TIAM1: variants seen among roughly 807,000 people sequenced by gnomAD.
TIAM1 encodes TIAM Rac1 associated GEF 1, also known as rho guanine nucleotide exchange factor TIAM1.
In TIAM1, 65 loss-of-function variants were observed where a neutral mutation model predicts 163.5. That is an observed-to-expected ratio of 0.40 (90% CI 0.33 to 0.49). The LOEUF (loss-of-function observed/expected upper bound fraction) is 0.49, where lower values mean the gene tolerates loss of function less well. Ranked by LOEUF, TIAM1 falls within the 20% of genes least tolerant of loss-of-function variation. The pLI, the probability that TIAM1 is intolerant of heterozygous loss-of-function variation, is 0.77. For synonymous variants in TIAM1, 833 were observed against 810.1 expected (o/e 1.03, Z -0.48); for missense variants, 1,789 against 2,044.7 (o/e 0.87, Z 2.41).
chr21:31,172,189 G>A (rs1338097583), intron 15 of TIAM1, among the ~76,000 whole-genome samples: 1 of 152,168 alleles, frequency 6.6e-6, no homozygotes, highest in Non-Finnish European at 1.5e-5. Context: ...ACACCAGCAT[G>A]GCAGGAAGAG....
chr21:31,348,483 C>T (rs866813842), upstream of TIAM1, among the ~76,000 whole-genome samples: 35 of 152,310 alleles, frequency 2.3e-4, no homozygotes, highest in Admixed American at 9.8e-4. Context: ...AATCCAAACA[C>T]GATTTCCCAG....
chr21:31,523,813 G>A (rs145329565), intron 1 of TIAM1, among the ~76,000 whole-genome samples: 2 of 151,982 alleles, frequency 1.3e-5, no homozygotes, highest in South Asian at 2.1e-4. Context: ...AGCTACCCGG[G>A]AGGCTAAGGC....
chr21:31,148,122 C>T (rs1218478423), intron 19 of TIAM1, among the ~76,000 whole-genome samples: 1 of 151,738 alleles, frequency 6.6e-6, no homozygotes, highest in Non-Finnish European at 1.5e-5. Flanking sequence ...AAGCCCTCCG[C>T]AAATCTCCAC....
intron 2 of TIAM1, among the ~76,000 whole-genome samples, chr21:31,282,947 CA>C (rs2073634119): frequency 6.6e-6 from 1 of 152,228 alleles, no homozygotes; most frequent in Non-Finnish European, 1.5e-5. Context: ...TTCATACAAT[CA>C]ATATGTTTAA....
Position 31,250,888 on chromosome 21 carries a change from T to C in TIAM1, c.1411+854A>G, listed in dbSNP as rs537446867. On this transcript the variant is annotated intron_variant, in intron 5 of 27. Transcript: ENST00000541036. Reference sequence around the variant, plus strand: ...ACCAACAAATACAAGCATGGTTATATAAACAGAAAATAAAGTGATCTACAC... The same window carrying C: ...ACCAACAAATACAAGCATGGTTATACAAACAGAAAATAAAGTGATCTACAC... Among the ~76,000 whole-genome samples, 3 of 130,730 alleles carry C rather than the reference T, an allele frequency of 2.3e-5. No individual in the cohort carries two copies. In the South Asian group the frequency reaches 7.2e-4, roughly 31 times the overall value. The allele number at this position is 130,730 out of a possible 152,430, so 85.8% of individuals were successfully genotyped here. A position where few individuals can be genotyped will look rare whatever the true frequency, so the allele number is the denominator to read the frequency against.
chr21:31,265,735 T>C (rs1221198782), intron 4 of TIAM1, among the ~76,000 whole-genome samples: 5 of 152,114 alleles, frequency 3.3e-5, no homozygotes, highest in Non-Finnish European at 7.4e-5. Context: ...GTAGAAGCAG[T>C]TTCCCAATAT....
intron 24 of TIAM1, 130 bp from the exon 25 acceptor site, chr21:31,130,445 A>T (rs772177405): frequency 2.9e-6 from 2 of 683,334 alleles, no homozygotes; most frequent in Non-Finnish European, 2.6e-6. Flanking sequence ...CTTCACCCCC[A>T]TGAGCTCCTG....
In TIAM1 at chr21:31,235,681, C is replaced by T. The variant is rs553902045; in HGVS notation, c.1585-9731G>A. 3.9e-5 allele frequency among the ~76,000 whole-genome samples: 6 copies of T among 152,260 alleles called. No homozygotes were observed. The South Asian group carries it at 1.2e-3, about 32-fold the overall frequency. On this transcript the variant is annotated intron_variant, in intron 6 of 27. Coordinates refer to ENST00000541036, the MANE Select transcript of TIAM1 (RefSeq NM_001353694.2). ...TAAGCCTTTTAATGTTAGCTGAATT[C>T]TTTTAAACTATGCTGATATTGATTT...
At chr21:31,532,247 C>G (rs1257341461) in intron 1 of TIAM1, among the ~76,000 whole-genome samples, 2 of 152,198 alleles carry the variant, frequency 1.3e-5, no homozygotes. Context: ...GGAGATTACA[C>G]AGAAGCACCT....
intron 1 of TIAM1, among the ~76,000 whole-genome samples, chr21:31,342,654 G>A (rs1322861837): frequency 6.6e-6 from 1 of 152,270 alleles, no homozygotes; most frequent in South Asian, 2.1e-4. Flanking sequence ...GTGGGGTGGA[G>A]GGGCGTGAGG....
rs145267994 is a variant in TIAM1 at position 31,462,106 on chromosome 21, C to G, written c.-369+1877G>C. Among the ~76,000 whole-genome samples, 803 of 152,346 alleles carry G rather than the reference C, an allele frequency of 5.3e-3. 2 individuals carry two copies. Among genetic ancestry groups the G allele is most frequent in the Admixed American group, 9.9e-3 (152 of 15,296 alleles). On this transcript the variant is annotated intron_variant, in intron 2 of 28. Coordinates refer to the TIAM1 transcript ENST00000286827. ...GCCTTATTCATCCTTTGTTTCTCTT[C>G]TAACCCAAAGATCAGCAAACTTTTT...
intron 2 of TIAM1, among the ~76,000 whole-genome samples, chr21:31,376,402 G>A (rs1457251157): frequency 2.6e-5 from 4 of 152,092 alleles, no homozygotes; most frequent in East Asian, 1.9e-4. Context: ...CCAGGTTTCC[G>A]TCTGCACCCT....
In TIAM1 at chr21:31,119,811, GA is replaced by G. The variant is rs56411753; in HGVS notation, c.*556del. ...ACCAGCCATAGACCAAAACAGGAAG[GA>G]AAAAAAAAAAGAGGCTCATTGAAAC... On this transcript the variant is annotated 3_prime_UTR_variant, in exon 28 of 28. Transcript: ENST00000541036. The G allele has an allele frequency of 5.8e-4, 85 of 147,174 alleles. 2 individuals carry two copies. The South Asian group carries it at 0.012, about 21-fold the overall frequency. 9.1% of individuals were successfully genotyped at this position (147,174 alleles called of 1,614,324 possible). A position where few individuals can be genotyped will look rare whatever the true frequency, so the allele number is the denominator to read the frequency against.
chr21:31,401,280 C>A (rs2077160038), intron 2 of TIAM1, among the ~76,000 whole-genome samples: 1 of 152,162 alleles, frequency 6.6e-6, no homozygotes, highest in Admixed American at 6.5e-5. Flanking sequence ...TGCCCCTAGT[C>A]AGTGTTAGTA....
chr21:31,266,933 A>T lies in TIAM1; in HGVS notation c.40T>A (p.Tyr14Asn), dbSNP rs201840627. The T allele has an allele frequency of 4.9e-5, 79 of 1,610,774 alleles. No homozygotes were observed. The highest frequency in any genetic ancestry group is 3.3e-4 in the Middle Eastern group (2 of 6,056). The change falls in exon 4 of 28, where the codon TAT becomes AAT. Residue 14 changes from tyrosine to asparagine, a missense_variant. This residue lies in a region of TIAM1 where 555 missense variants were observed against 564.9 expected (regional missense o/e 0.98). Transcript: ENST00000541036. ...CCCAGGCTGGCATGCTTTTCTCCAT[A>T]AAACTCGTGCTCTACATGTTGACTT... ...AESQHVEHEF[Y>N]GEKHASLGRK...
intron 6 of TIAM1, among the ~76,000 whole-genome samples, chr21:31,229,104 T>C (rs8132331): frequency 0.078 from 11,892 of 152,172 alleles, 1,553 homozygotes; most frequent in African/African-American, 0.27. Context: ...ATATCAAGTA[T>C]CAACACAGAT....
intron 2 of TIAM1, among the ~76,000 whole-genome samples, chr21:31,301,150 G>A (rs2074481335): frequency 6.6e-6 from 1 of 152,186 alleles, no homozygotes; most frequent in Admixed American, 6.5e-5. Context: ...GCTTAGGACA[G>A]GGGCGAGAAT....
chr21:31,271,434 C>T (rs1026384354), intron 3 of TIAM1, among the ~76,000 whole-genome samples: 5 of 152,176 alleles, frequency 3.3e-5, no homozygotes, highest in Non-Finnish European at 7.3e-5. Flanking sequence ...GCTCTCTGCT[C>T]TCTGGGTCCC....
At chr21:31,258,261 T>C (rs997797694) in intron 4 of TIAM1, among the ~76,000 whole-genome samples, 3 of 152,110 alleles carry the variant, frequency 2.0e-5, no homozygotes, top group African/African-American at 7.2e-5. Context: ...ACTTCAAAAA[T>C]AATTGCTGAA....
Sources: gnomAD v4.1 joint callset for allele counts (sites outside exome capture counted in the v4.1 genomes callset) on GRCh38, gnomAD v4.1.1 for gene constraint, gnomAD v4.1.1 regional missense constraint, MANE v1.5 for transcripts, NCBI Gene and HGNC (gene_info 2026-07-23, HGNC 2026-07-21) for gene names.